Variants in SMTNL1 observed in about 807,000 individuals in gnomAD.
SMTNL1 encodes the protein smoothelin-like protein 1.
In SMTNL1, 41 loss-of-function variants were observed where a neutral mutation model predicts 46.6. The ratio of observed to expected loss-of-function variants is 0.88; its 90% CI spans 0.69 to 1.14. The LOEUF (loss-of-function observed/expected upper bound fraction) is 1.14. Among genes scored for constraint, SMTNL1 ranks in the 50% most tolerant of loss-of-function variants. The pLI is 0.00. For missense variants in SMTNL1, 591 were observed against 626.1 expected (o/e 0.94, Z 0.60); for synonymous variants, 234 against 234.2 (o/e 1.00, Z 0.01).
intron 1 of SMTNL1, among the ~76,000 whole-genome samples, chr11:57,542,143 C>A (rs148084272): frequency 0.24 from 35,634 of 148,504 alleles, 4,717 homozygotes; most frequent in African/African-American, 0.32. Flanking sequence ...CACACACACA[C>A]AAAAATTAGC....
intron 2 of SMTNL1, 77 bp from the exon 3 acceptor site, chr11:57,543,547 A>G (rs1210171460): frequency 4.5e-6 from 7 of 1,551,248 alleles, no homozygotes; most frequent in Non-Finnish European, 4.4e-6. Flanking sequence ...GCTGCCTTTC[A>G]GAACTTTCTG....
chr11:57,542,113 A>AAC (rs1554989089), intron 1 of SMTNL1, among the ~76,000 whole-genome samples: 15 of 105,520 alleles, frequency 1.4e-4, no homozygotes, highest in African/African-American at 3.5e-4. Context: ...ACAAAAAAAA[A>AAC]ACACACACAC....
At chr11:57,538,817 C>T (rs1328960252) in intron 1 of SMTNL1, among the ~76,000 whole-genome samples, 2 of 152,184 alleles carry the variant, frequency 1.3e-5, no homozygotes, top group African/African-American at 4.8e-5. Context: ...CAAGAGAAAG[C>T]AGGGCCTCCG....
chr11:57,545,702 C>T (rs1321145701), intron 4 of SMTNL1, among the ~76,000 whole-genome samples, 179 bp from the exon 5 acceptor site: 1 of 152,062 alleles, frequency 6.6e-6, no homozygotes, highest in Non-Finnish European at 1.5e-5. Flanking sequence ...AGACCACATT[C>T]TCCCCCAAGT....
chr11:57,537,910 A>C (rs1347565752), intron 1 of SMTNL1, among the ~76,000 whole-genome samples: 2 of 152,162 alleles, frequency 1.3e-5, no homozygotes, highest in Non-Finnish European at 2.9e-5. Flanking sequence ...CAAGAGTCAA[A>C]CTGGGTTGGG....
intron 1 of SMTNL1, among the ~76,000 whole-genome samples, chr11:57,539,636 C>T (rs1278277210): frequency 6.6e-6 from 1 of 152,164 alleles, no homozygotes; most frequent in African/African-American, 2.4e-5. Context: ...TGAGGTCTCA[C>T]TTTGTTGCCC....
intron 1 of SMTNL1, among the ~76,000 whole-genome samples, chr11:57,538,752 T>C (rs1486115990): frequency 6.6e-6 from 1 of 152,182 alleles, no homozygotes; most frequent in African/African-American, 2.4e-5. Flanking sequence ...GAAATCCCCA[T>C]TGGCTCCCTA....
At position 57,546,596 on chromosome 11, in the gene SMTNL1, A is replaced by G; in HGVS notation, c.1284A>G (p.Ala428=). The G allele has an allele frequency of 6.2e-7, 1 of 1,614,042 alleles. No individual in the cohort carries two copies. Among genetic ancestry groups the G allele is most frequent in the Non-Finnish European group, 8.5e-7 (1 of 1,179,914 alleles). ...TCTTCCCTGACGCCTTTGACTACGCAGAGCTGGATCCCGCAAAGCGCCGGC... is the reference window on the plus strand; with the variant it reads ...TCTTCCCTGACGCCTTTGACTACGCGGAGCTGGATCCCGCAAAGCGCCGGC... ...HKFFPDAFDY[A]ELDPAKRRHN... Residue 428 remains alanine, a synonymous_variant, in exon 7 of 8, where the codon GCA becomes GCG. Transcript: ENST00000527972.
rs1267353292 is a variant in SMTNL1, at chr11:57,542,135, C to CA, written c.-2-505dup. On this transcript the variant is annotated intron_variant, in intron 1 of 7. Transcript: ENST00000527972. Reference sequence around the variant, plus strand: ...AAAAACACACACACACACACACACACACACACACAAAAATTAGCCAGGTGT... The same window carrying CA: ...AAAAACACACACACACACACACACACAACACACACAAAAATTAGCCAGGTGT... 8.8e-5 allele frequency among the ~76,000 whole-genome samples: 13 copies of CA among 148,420 alleles called. 1 individual carries two copies. The highest frequency in any genetic ancestry group is 2.3e-4 in the African/African-American group (9 of 39,980).
rs1348185883 is a variant in SMTNL1 at position 57,546,744 on chromosome 11, G to A, written c.1340+92G>A. On this transcript the variant is annotated intron_variant, in intron 7 of 7. Coordinates refer to ENST00000527972, the MANE Select transcript of SMTNL1 (RefSeq NM_001105565.3). ...TGAGTAGTGAGGCAGTTACACCGAT[G>A]CTGGTGCCACACATTCATGTATCCA... 6 of 1,437,772 alleles carry A rather than the reference G, an allele frequency of 4.2e-6. No individual in the cohort carries two copies. The African/African-American group carries it at 8.5e-5, about 20-fold the overall frequency. 89.1% of individuals were successfully genotyped at this position (1,437,772 alleles called of 1,614,324 possible).
intron 4 of SMTNL1, among the ~76,000 whole-genome samples, chr11:57,545,041 T>C (rs1944911179): frequency 6.6e-6 from 1 of 151,994 alleles, no homozygotes; most frequent in Non-Finnish European, 1.5e-5. Flanking sequence ...TTCACCATGT[T>C]GGCCAGGCTG....
At chr11:57,538,889 T>C (rs535993418) in intron 1 of SMTNL1, among the ~76,000 whole-genome samples, 1 of 152,270 alleles carries the variant, frequency 6.6e-6, no homozygotes, top group African/African-American at 2.4e-5. Context: ...GGCGTCCTGG[T>C]TTCTCAGCAT....
chr11:57,545,026 AG>A (rs1371620061), intron 4 of SMTNL1, among the ~76,000 whole-genome samples: 2 of 151,860 alleles, frequency 1.3e-5, no homozygotes, highest in Non-Finnish European at 2.9e-5. Context: ...TACTAGAGGC[AG>A]GGTTTCACCA....
At chr11:57,546,061 C>G (rs1944920271) in intron 5 of SMTNL1, 25 bp downstream of exon 5, 1 of 1,548,274 alleles carries the variant, frequency 6.5e-7, no homozygotes, top group African/African-American at 1.4e-5. Flanking sequence ...AGGGGCTGGG[C>G]TGGGCTTTCC....
chr11:57,547,026 C>T (rs933420348), intron 7 of SMTNL1, among the ~76,000 whole-genome samples: 3 of 151,942 alleles, frequency 2.0e-5, no homozygotes, highest in East Asian at 1.9e-4. Context: ...CCCAGCTATT[C>T]GGGAGGCTGA....
rs1176948035 is a variant in SMTNL1 at position 57,546,317 on chromosome 11, G to C, written c.1158G>C (p.Glu386Asp). Residue 386 changes from glutamate to aspartate, a missense_variant, in exon 6 of 8, where the codon GAG (glutamate) becomes GAC (aspartate). By Grantham distance (45) the Glu-to-Asp change is conservative (BLOSUM62 2). Coordinates refer to ENST00000527972, the MANE Select transcript of SMTNL1 (RefSeq NM_001105565.3). Reference protein sequence around the residue: ...AIGGVKNMLLEWCRAMTKKYE... With the variant: ...AIGGVKNMLLDWCRAMTKKYE... Reference sequence around the variant, plus strand: ...GTGGTGTCAAGAACATGCTCTTGGAGTGGTGCCGAGCCATGACAAAAAAAT... The same window carrying C: ...GTGGTGTCAAGAACATGCTCTTGGACTGGTGCCGAGCCATGACAAAAAAAT... 7 of 1,610,334 alleles carry C rather than the reference G, an allele frequency of 4.3e-6. No individual in the cohort carries two copies. Among genetic ancestry groups the C allele is most frequent in the Non-Finnish European group, 5.1e-6 (6 of 1,178,572 alleles).
intron 7 of SMTNL1, among the ~76,000 whole-genome samples, chr11:57,548,045 C>T (rs1193581200): frequency 6.6e-6 from 1 of 152,150 alleles, no homozygotes; most frequent in Non-Finnish European, 1.5e-5. Context: ...CACTCTGAGT[C>T]TCCGCTTCCT....
rs1315731588 is a variant in SMTNL1, at chr11:57,541,736, C to A, written c.-2-905C>A. Among the ~76,000 whole-genome samples the A allele has an allele frequency of 3.3e-5, 5 of 152,310 alleles. No homozygotes were observed. In the East Asian group the frequency reaches 7.7e-4, roughly 23 times the overall value. Reference sequence around the variant, plus strand: ...TGCTACATCTGCACTGCCTATATTCCAGTTTCCTGAATTACTTCCTTTGAA... The same window carrying A: ...TGCTACATCTGCACTGCCTATATTCAAGTTTCCTGAATTACTTCCTTTGAA... On this transcript the variant is annotated intron_variant, in intron 1 of 7. Coordinates refer to ENST00000527972, the MANE Select transcript of SMTNL1 (RefSeq NM_001105565.3).
chr11:57,541,182 G>C (rs1944874044), intron 1 of SMTNL1, among the ~76,000 whole-genome samples: 1 of 152,104 alleles, frequency 6.6e-6, no homozygotes, highest in African/African-American at 2.4e-5. Context: ...AGTGGGTGGT[G>C]GGAAAAAAGC....
Sources: gnomAD v4.1 joint callset for allele counts (sites outside exome capture counted in the v4.1 genomes callset) on GRCh38, gnomAD v4.1.1 for gene constraint, MANE v1.5 for transcripts, NCBI Gene and HGNC (gene_info 2026-07-23, HGNC 2026-07-21) for gene names.